Variants in CADM2 observed in about 807,000 individuals in gnomAD.
The protein encoded by CADM2 is immunoglobulin superfamily member 4D.
Under a neutral mutation model 49.8 loss-of-function variants are expected in CADM2, and 12 were observed. That is an observed-to-expected ratio of 0.24 (90% CI 0.15 to 0.39). The LOEUF (loss-of-function observed/expected upper bound fraction) is 0.39. Ranked by LOEUF, CADM2 falls within the 10% of genes least tolerant of loss-of-function variation. The pLI is 1.00. For synonymous variants in CADM2, 214 were observed against 175.4 expected (o/e 1.22, Z -1.74); for missense variants, 378 against 492.3 (o/e 0.77, Z 2.20).
At chr3:85,080,939 T>C (rs2037139299) in intron 1 of CADM2, among the ~76,000 whole-genome samples, 1 of 152,104 alleles carries the variant, frequency 6.6e-6, no homozygotes, top group South Asian at 2.1e-4. Flanking sequence ...ATTACATATA[T>C]AGGTCAGGGA....
At chr3:85,707,164 TTTAA>T (rs1355807987) in intron 1 of CADM2, among the ~76,000 whole-genome samples, 1 of 151,946 alleles carries the variant, frequency 6.6e-6, no homozygotes, top group African/African-American at 2.4e-5. Context: ...TATATTAATA[TTTAA>T]TTATATTATC....
At chr3:85,314,534 C>T (rs777186095) in intron 1 of CADM2, among the ~76,000 whole-genome samples, 4 of 151,894 alleles carry the variant, frequency 2.6e-5, no homozygotes, top group South Asian at 4.2e-4. Flanking sequence ...CTTAAATCTC[C>T]GGTTATTATG....
At chr3:85,466,137 C>T (rs2038480703) in intron 1 of CADM2, among the ~76,000 whole-genome samples, 1 of 152,068 alleles carries the variant, frequency 6.6e-6, no homozygotes, top group Non-Finnish European at 1.5e-5. Flanking sequence ...ATTATCTTGT[C>T]AATTTCATTG....
At chr3:85,097,189 C>T (rs986024073) in intron 1 of CADM2, among the ~76,000 whole-genome samples, 1 of 152,204 alleles carries the variant, frequency 6.6e-6, no homozygotes, top group Admixed American at 6.5e-5. Context: ...GTGATGTTCC[C>T]TTTCCTGTGT....
At chr3:85,772,286 A>G (rs919525511) in intron 2 of CADM2, among the ~76,000 whole-genome samples, 10 of 151,938 alleles carry the variant, frequency 6.6e-5, no homozygotes, top group Admixed American at 3.3e-4. Flanking sequence ...TACTAAAACT[A>G]ACTCTTCCTA....
intron 2 of CADM2, among the ~76,000 whole-genome samples, chr3:85,777,301 G>A (rs939500965): frequency 1.3e-5 from 2 of 150,274 alleles, no homozygotes; most frequent in African/African-American, 2.4e-5. Context: ...TGTTGCCCAG[G>A]CTGGAGTGTC....
chr3:85,974,508 C>A (rs1726539508), intron 8 of CADM2, among the ~76,000 whole-genome samples: 2 of 151,632 alleles, frequency 1.3e-5, no homozygotes, highest in East Asian at 1.9e-4. Flanking sequence ...TACCTCAACA[C>A]AATAGTGGGT....
chr3:85,036,514 CCACT>C (rs2035217338), intron 1 of CADM2, among the ~76,000 whole-genome samples: 1 of 151,804 alleles, frequency 6.6e-6, no homozygotes, highest in African/African-American at 2.4e-5. Context: ...ACTTTTCTAC[CCACT>C]CAGGAGACTA....
At chr3:85,456,371 G>A (rs1411909824) in intron 1 of CADM2, among the ~76,000 whole-genome samples, 2 of 152,046 alleles carry the variant, frequency 1.3e-5, no homozygotes, top group South Asian at 2.1e-4. Flanking sequence ...ACTATAGCCA[G>A]TATTATGTAA....
chr3:85,367,685 C>T (rs1179303674), intron 1 of CADM2, among the ~76,000 whole-genome samples: 1 of 151,936 alleles, frequency 6.6e-6, no homozygotes, highest in Non-Finnish European at 1.5e-5. Flanking sequence ...TACAGGCATA[C>T]AATGCTACTA....
chr3:85,056,871 C>A (rs1368460967), intron 1 of CADM2, among the ~76,000 whole-genome samples: 2 of 151,992 alleles, frequency 1.3e-5, no homozygotes, highest in South Asian at 2.1e-4. Context: ...GTGTATAGAT[C>A]TCTGGTTTTA....
intron 1 of CADM2, among the ~76,000 whole-genome samples, chr3:85,475,936 C>G (rs2038957871): frequency 6.6e-6 from 1 of 151,792 alleles, no homozygotes; most frequent in East Asian, 1.9e-4. Flanking sequence ...ATTGAAATGT[C>G]TCATGTTAAT....
chr3:85,913,720 A>T (rs1717916819), intron 6 of CADM2, among the ~76,000 whole-genome samples: 1 of 152,226 alleles, frequency 6.6e-6, no homozygotes, highest in South Asian at 2.1e-4. Flanking sequence ...GGATGAAAAA[A>T]ATAAATAAAT....
At chr3:85,775,064 T>C (rs2070292735) in intron 2 of CADM2, among the ~76,000 whole-genome samples, 1 of 151,756 alleles carries the variant, frequency 6.6e-6, no homozygotes, top group Admixed American at 6.6e-5. Context: ...ATAGCACTTT[T>C]ATCATGTGAT....
At chr3:85,046,968 A>G (rs1419714046) in intron 1 of CADM2, among the ~76,000 whole-genome samples, 2 of 152,142 alleles carry the variant, frequency 1.3e-5, no homozygotes, top group East Asian at 1.9e-4. Flanking sequence ...AATAAACAAT[A>G]GCTTATCATG....
In CADM2 at chr3:85,255,226, A is replaced by G. The variant is rs144564193; in HGVS notation, c.61+295558A>G. On this transcript the variant is annotated intron_variant, in intron 1 of 9. Coordinates refer to ENST00000383699, the MANE Select transcript of CADM2 (RefSeq NM_001167675.2). ...ATTTCCCATATATAGTGTATTTAGC[A>G]TGGCATTTATAATACAGAATCTGGT... 1.4e-4 allele frequency among the ~76,000 whole-genome samples: 21 copies of G among 152,190 alleles called. No individual in the cohort carries two copies. In the East Asian group the frequency reaches 4.1e-3, roughly 29 times the overall value.
At chr3:85,070,758 C>T (rs1205897733) in intron 1 of CADM2, among the ~76,000 whole-genome samples, 4 of 151,782 alleles carry the variant, frequency 2.6e-5, no homozygotes, top group African/African-American at 9.7e-5. Flanking sequence ...TTTGGGAGGC[C>T]GAGGCAGGTA....
chr3:85,701,947 TAAAG>T (rs1184176649), intron 1 of CADM2, among the ~76,000 whole-genome samples: 11 of 150,132 alleles, frequency 7.3e-5, no homozygotes, highest in African/African-American at 2.2e-4. Context: ...AAAGAAGAAA[TAAAG>T]ATAGATGTAG....
intron 1 of CADM2, among the ~76,000 whole-genome samples, chr3:85,666,433 A>G (rs1341843912): frequency 6.6e-6 from 1 of 151,946 alleles, no homozygotes; most frequent in East Asian, 1.9e-4. Context: ...AAAAAGTCAT[A>G]TCTTTTCCTC....
Sources: gnomAD v4.1 joint callset for allele counts (sites outside exome capture counted in the v4.1 genomes callset) on GRCh38, gnomAD v4.1.1 for gene constraint, MANE v1.5 for transcripts, NCBI Gene and HGNC (gene_info 2026-07-23, HGNC 2026-07-21) for gene names.